KRIT1: variants seen among roughly 807,000 people sequenced by gnomAD.
KRIT1 encodes the protein krev interaction trapped protein 1.
Under a neutral mutation model 95.8 loss-of-function variants are expected in KRIT1, and 45 were observed. The ratio of observed to expected loss-of-function variants is 0.47; its 90% CI spans 0.37 to 0.60. The LOEUF is 0.60. Ranked by LOEUF, KRIT1 falls within the 20% of genes least tolerant of loss-of-function variation. The probability of loss-of-function intolerance (pLI) is 0.00; values close to 1 mark genes in which losing one functional copy is unlikely to be tolerated. For synonymous variants in KRIT1, 282 were observed against 278.8 expected (o/e 1.01, Z -0.11); for missense variants, 788 against 877.5 (o/e 0.90, Z 1.29).
chr7:92,239,944 C>T (rs554407145), intron 5 of KRIT1, among the ~76,000 whole-genome samples: 15 of 152,020 alleles, frequency 9.9e-5, no homozygotes, highest in African/African-American at 3.6e-4. Context: ...CTCCTGACCT[C>T]GTGATCCACC....
intron 16 of KRIT1, 64 bp from the exon 17 acceptor site, chr7:92,213,465 T>C (rs1793317929): frequency 1.9e-6 from 2 of 1,049,222 alleles, no homozygotes; most frequent in Admixed American, 3.8e-5. Flanking sequence ...CCATTGATAA[T>C]CCAAATAGAT....
intron 10 of KRIT1, among the ~76,000 whole-genome samples, chr7:92,228,954 T>A (rs181628608): frequency 2.0e-5 from 3 of 152,238 alleles, no homozygotes; most frequent in African/African-American, 7.2e-5. Flanking sequence ...CCATGATGTA[T>A]ACATACCACA....
intron 17 of KRIT1, among the ~76,000 whole-genome samples, chr7:92,205,446 CT>C (rs2131174455): frequency 6.6e-6 from 1 of 152,250 alleles, no homozygotes; most frequent in East Asian, 1.9e-4. Flanking sequence ...AATGCATAAG[CT>C]TCATTATTAC....
intron 14 of KRIT1, among the ~76,000 whole-genome samples, chr7:92,217,230 T>C (rs572324164): frequency 1.3e-5 from 2 of 152,364 alleles, no homozygotes; most frequent in South Asian, 2.1e-4. Context: ...TTAGATTATA[T>C]GCAGATTTTA....
At chr7:92,214,553 C>A in intron 15 of KRIT1, 58 bp downstream of exon 15, 1 of 1,296,100 alleles carries the variant, frequency 7.7e-7, no homozygotes, top group Non-Finnish European at 1.1e-6. Context: ...TTTAAACTTT[C>A]TTGGTTAAAC....
chr7:92,242,275 T>C, intron 3 of KRIT1, 138 bp from the exon 4 acceptor site: 3 of 651,406 alleles, frequency 4.6e-6, no homozygotes, highest in Non-Finnish European at 8.1e-6. Context: ...AAAAATAAAA[T>C]GTTCTCTATC....
chr7:92,223,016 A>G (rs767795844), intron 12 of KRIT1, 38 bp from the exon 13 acceptor site: 1 of 1,309,404 alleles, frequency 7.6e-7, no homozygotes, highest in South Asian at 1.2e-5. Flanking sequence ...AACTTAAAAA[A>G]TTATACATCA....
intron 17 of KRIT1, chr7:92,206,624 C>T (rs1584743340): frequency 6.6e-6 from 1 of 152,110 alleles, no homozygotes; most frequent in Non-Finnish European, 1.5e-5. Flanking sequence ...GAAGAAGTGA[C>T]ATCAGATGTA....
At chr7:92,237,638 A>C in intron 6 of KRIT1, 29 bp downstream of exon 6, 1 of 1,321,560 alleles carries the variant, frequency 7.6e-7, no homozygotes, top group Non-Finnish European at 1.1e-6. Context: ...AAAGTATATA[A>C]AGATTTGTAA....
chr7:92,242,003 G>A, intron 4 of KRIT1, 31 bp downstream of exon 4: 1 of 1,081,484 alleles, frequency 9.2e-7, no homozygotes, highest in African/African-American at 1.5e-5. Context: ...ACATTCAATG[G>A]TAGAAATAAA....
At chr7:92,205,555 A>G (rs1791272106) in intron 17 of KRIT1, 1 of 152,134 alleles carries the variant, frequency 6.6e-6, no homozygotes, top group South Asian at 2.1e-4. Flanking sequence ...CCTGGCAAAC[A>G]TGGTGAAACC....
rs2237569 is a variant in KRIT1 at position 92,220,856 on chromosome 7, A to T, written c.1563+1046T>A. Among the ~76,000 whole-genome samples the T allele has an allele frequency of 0.028, 4,225 of 150,864 alleles. 367 individuals carry two copies. The East Asian group carries it at 0.35, about 13-fold the overall frequency. On this transcript the variant is annotated intron_variant, in intron 14 of 18. Transcript: ENST00000394505. ...TTACAGGCGCCCACCACCATGCCTA[A>T]TTTTTGTATTTTTAGTAGAGACGGG...
chr7:92,220,414 G>A (rs1406618534), intron 14 of KRIT1, among the ~76,000 whole-genome samples: 1 of 151,962 alleles, frequency 6.6e-6, no homozygotes, highest in Non-Finnish European at 1.5e-5. Flanking sequence ...TTGGCTGAGA[G>A]GATCTACTCT....
intron 11 of KRIT1, 37 bp from the exon 12 acceptor site, chr7:92,225,864 A>G: frequency 1.9e-6 from 2 of 1,056,168 alleles, no homozygotes; most frequent in South Asian, 2.5e-5. Flanking sequence ...AAAAGGCATT[A>G]CATATTATGG....
intron 14 of KRIT1, among the ~76,000 whole-genome samples, chr7:92,220,915 C>A (rs893304253): frequency 6.6e-6 from 1 of 151,576 alleles, no homozygotes; most frequent in African/African-American, 2.4e-5. Flanking sequence ...GTCTTGAATT[C>A]TTGACCTCGT....
intron 10 of KRIT1, among the ~76,000 whole-genome samples, chr7:92,229,229 C>T (rs1361442493): frequency 6.6e-6 from 1 of 152,188 alleles, no homozygotes; most frequent in Non-Finnish European, 1.5e-5. Flanking sequence ...CGTTCCCTTT[C>T]TCTGCAACCT....
Position 92,226,737 on chromosome 7 carries a change from AGATCATCT to A in KRIT1, c.990-63_990-56del, listed in dbSNP as rs989635043. ...AACAACAAAAAAAACTTACCTAAAA[AGATCATCT>A]GAAATGTTTTTAAAAATCCAAATTT... On this transcript the variant is annotated intron_variant, in intron 10 of 18. Coordinates refer to ENST00000394505, the MANE Select transcript of KRIT1 (RefSeq NM_194454.3). The A allele has an allele frequency of 5.3e-5, 82 of 1,538,932 alleles. No individual in the cohort carries two copies. The East Asian group carries it at 8.3e-4, about 16-fold the overall frequency.
intron 5 of KRIT1, among the ~76,000 whole-genome samples, chr7:92,240,216 A>G (rs1025870404): frequency 6.6e-6 from 1 of 152,114 alleles, no homozygotes; most frequent in African/African-American, 2.4e-5. Flanking sequence ...AAATCAAACC[A>G]CAGTATTTGG....
At chr7:92,233,846 T>C (rs932053845) in intron 10 of KRIT1, among the ~76,000 whole-genome samples, 7 of 152,122 alleles carry the variant, frequency 4.6e-5, no homozygotes, top group African/African-American at 1.7e-4. Flanking sequence ...CTCTAAACAC[T>C]AACAACTCAG....
Sources: gnomAD v4.1 joint callset for allele counts (sites outside exome capture counted in the v4.1 genomes callset) on GRCh38, gnomAD v4.1.1 for gene constraint, MANE v1.5 for transcripts, NCBI Gene and HGNC (gene_info 2026-07-23, HGNC 2026-07-21) for gene names.